Variants in DLG1 observed in about 807,000 individuals in gnomAD.
DLG1 encodes disks large homolog 1.
Under a neutral mutation model 123.4 loss-of-function variants are expected in DLG1, and 42 were observed. That is an observed-to-expected ratio of 0.34 (90% confidence interval 0.27 to 0.44). The LOEUF is 0.44. Ranked by LOEUF, DLG1 falls within the 20% of genes least tolerant of loss-of-function variation. DLG1 has a pLI of 1.00. For synonymous variants in DLG1, 317 were observed against 356.2 expected (o/e 0.89, Z 1.24); for missense variants, 942 against 1,082.6 (o/e 0.87, Z 1.82).
chr3:197,140,830 C>T (rs1253380358), intron 7 of DLG1, among the ~76,000 whole-genome samples: 3 of 152,178 alleles, frequency 2.0e-5, no homozygotes, highest in Non-Finnish European at 2.9e-5. Flanking sequence ...CCAATATACC[C>T]GATTAGCAAA....
chr3:197,105,563 T>G (rs962226825), intron 13 of DLG1, among the ~76,000 whole-genome samples: 1 of 152,210 alleles, frequency 6.6e-6, no homozygotes, highest in African/African-American at 2.4e-5. Flanking sequence ...GTTAATTAAA[T>G]GAACCAGGAG....
chr3:197,043,091 A>ATTAT lies in DLG1; in HGVS notation c.*1528_*1531dup, dbSNP rs1721104513. On this transcript the variant is annotated 3_prime_UTR_variant, in exon 25 of 25. Transcript: ENST00000667157. ...TCCAAAGAGCAATGGGAAGCCAAAT[A>ATTAT]TTATTATTAATATGAAGGACCAGAG... 1 of 151,982 alleles carries ATTAT rather than the reference A, an allele frequency of 6.6e-6. No homozygotes were observed. Among genetic ancestry groups the ATTAT allele is most frequent in the African/African-American group, 2.4e-5 (1 of 41,418 alleles). 9.4% of individuals were successfully genotyped at this position (151,982 alleles called of 1,614,324 possible).
chr3:197,243,471 T>C lies in DLG1; in HGVS notation c.318+39208A>G, dbSNP rs149139371. Among the ~76,000 whole-genome samples the C allele has an allele frequency of 3.9e-3, 598 of 152,280 alleles. 3 individuals are homozygous for C. The highest frequency in any genetic ancestry group is 0.013 in the African/African-American group (559 of 41,550). ...CCTGACTTTGCTGTTCCTCACTGTC[T>C]AGAAGTAAAAGTTTGTTAAACTAGG... On this transcript the variant is annotated intron_variant, in intron 4 of 24. Transcript: ENST00000667157.
intron 3 of DLG1, among the ~76,000 whole-genome samples, chr3:197,294,336 T>C (rs1776323505): frequency 6.6e-6 from 1 of 152,046 alleles, no homozygotes; most frequent in South Asian, 2.1e-4. Context: ...TTCACAAATA[T>C]AAACTTAGTA....
chr3:197,225,254 C>T (rs966843592), intron 4 of DLG1, among the ~76,000 whole-genome samples: 3 of 152,152 alleles, frequency 2.0e-5, no homozygotes, highest in East Asian at 1.9e-4. Context: ...AAAATGCACC[C>T]GCTCTTTGTT....
chr3:197,073,222 C>A (rs144389644), intron 18 of DLG1, among the ~76,000 whole-genome samples: 1 of 152,144 alleles, frequency 6.6e-6, no homozygotes, highest in African/African-American at 2.4e-5. Context: ...ACTATGCGTA[C>A]GTCTTTAAAG....
chr3:197,294,657 C>CAAAAAAAAA (rs71926647), intron 3 of DLG1, among the ~76,000 whole-genome samples: 1 of 79,124 alleles, frequency 1.3e-5, no homozygotes. Flanking sequence ...GACTCTGCCT[C>CAAAAAAAAA]AAAAAAAAAA....
At chr3:197,092,504 C>CT (rs1046801000) in intron 14 of DLG1, among the ~76,000 whole-genome samples, 4 of 151,950 alleles carry the variant, frequency 2.6e-5, no homozygotes, top group Non-Finnish European at 4.4e-5. Context: ...TTATTGTTTT[C>CT]TTTTTTTATT....
At position 197,071,907 on chromosome 3, in the gene DLG1, C is replaced by T. The variant is rs942565370; in HGVS notation, c.2006-2647G>A. Among the ~76,000 whole-genome samples the T allele has an allele frequency of 3.9e-5, 6 of 152,282 alleles. 1 individual carries two copies. Among genetic ancestry groups the T allele is most frequent in the Admixed American group, 2.0e-4 (3 of 15,288 alleles). ...AAGGCTGGACAAATGTGTATCTATACGACCCAGCAATTCCTTTCCTAGATA... is the reference window on the plus strand; with the variant it reads ...AAGGCTGGACAAATGTGTATCTATATGACCCAGCAATTCCTTTCCTAGATA... On this transcript the variant is annotated intron_variant, in intron 18 of 24. Transcript: ENST00000667157.
At chr3:197,127,648 T>C (rs1235641885) in intron 11 of DLG1, among the ~76,000 whole-genome samples, 1 of 150,870 alleles carries the variant, frequency 6.6e-6, no homozygotes, top group Non-Finnish European at 1.5e-5. Flanking sequence ...GAAAATCCCT[T>C]TAATTTTAGA....
chr3:197,081,385 T>C (rs1170743894), intron 16 of DLG1, among the ~76,000 whole-genome samples: 1 of 152,220 alleles, frequency 6.6e-6, no homozygotes, highest in East Asian at 1.9e-4. Context: ...CAAAATTATA[T>C]GAAAGTATGA....
At chr3:197,085,380 C>G in intron 16 of DLG1, 200 bp downstream of exon 16, 1 of 555,376 alleles carries the variant, frequency 1.8e-6, no homozygotes, top group Non-Finnish European at 3.2e-6. Context: ...TGGTAACCAC[C>G]ATTCTTCTCT....
chr3:197,296,388 C>T lies in DLG1; in HGVS notation c.109G>A (p.Val37Ile), dbSNP rs1777369496. The T allele has an allele frequency of 1.9e-6, 3 of 1,613,616 alleles. No individual in the cohort carries two copies. The highest frequency in any genetic ancestry group is 1.3e-5 in the African/African-American group (1 of 74,896). Residue 37 changes from valine (V) to isoleucine (I), a missense_variant, in exon 3 of 25, where the codon GTT becomes ATT. Val to Ile is a conservative substitution (Grantham distance 29, BLOSUM62 3). Transcript: ENST00000667157. ...AGGTTGCTCTGAAATATGTTAATAACCCGTTCTATGGAACTTCTGAGCTGT... is the reference window on the plus strand; with the variant it reads ...AGGTTGCTCTGAAATATGTTAATAATCCGTTCTATGGAACTTCTGAGCTGT... ...DRQLRSSIER[V>I]INIFQSNLFQ...
chr3:197,238,149 C>T (rs192735501), intron 4 of DLG1, among the ~76,000 whole-genome samples: 17 of 152,242 alleles, frequency 1.1e-4, no homozygotes, highest in Non-Finnish European at 1.0e-4. Context: ...AGTGCCCCAC[C>T]TTTCACTGTC....
chr3:197,243,189 T>C (rs1383995936), intron 4 of DLG1, among the ~76,000 whole-genome samples: 1 of 152,136 alleles, frequency 6.6e-6, no homozygotes, highest in African/African-American at 2.4e-5. Context: ...TCCGACTGAC[T>C]AGATTTAGCA....
intron 18 of DLG1, chr3:197,070,965 T>C (rs562822156): frequency 6.6e-6 from 1 of 152,342 alleles, no homozygotes; most frequent in African/African-American, 2.4e-5. Context: ...GTGTATAATA[T>C]TCTATTAGAT....
chr3:197,125,914 C>A (rs920004559), intron 11 of DLG1, among the ~76,000 whole-genome samples: 6 of 152,130 alleles, frequency 3.9e-5, no homozygotes, highest in African/African-American at 1.4e-4. Flanking sequence ...AGCTGAATAG[C>A]CTGACAGCAG....
intron 24 of DLG1, among the ~76,000 whole-genome samples, chr3:197,050,795 T>C (rs1055661223): frequency 1.3e-5 from 2 of 152,186 alleles, no homozygotes; most frequent in Admixed American, 1.3e-4. Context: ...GAGTCTTCCC[T>C]ACACACACAA....
At chr3:197,164,261 G>C (rs180904723) in intron 5 of DLG1, among the ~76,000 whole-genome samples, 1 of 151,966 alleles carries the variant, frequency 6.6e-6, no homozygotes, top group Non-Finnish European at 1.5e-5. Context: ...GCCGGGTGTG[G>C]TGGCCCATGC....
Sources: allele counts gnomAD v4.1 joint callset (sites outside exome capture counted in the v4.1 genomes callset), GRCh38; gene constraint gnomAD v4.1.1; transcripts MANE v1.5; gene names NCBI Gene and HGNC (gene_info 2026-07-23, HGNC 2026-07-21).